LINGO2: variants seen among roughly 807,000 people sequenced by gnomAD.
LINGO2 encodes the protein leucine-rich repeat and immunoglobulin-like domain-containing nogo receptor-interacting protein 2.
LINGO2 carries 14 observed loss-of-function variants against 30.6 expected under a neutral mutation model. The observed-to-expected ratio is 0.46, with a 90% confidence interval of 0.30 to 0.72. LINGO2 has a LOEUF of 0.72. Among genes scored for constraint, LINGO2 ranks in the 30% least tolerant of loss-of-function variants. LINGO2 has a pLI of 0.07. For synonymous variants in LINGO2, 317 were observed against 288.5 expected, an observed-to-expected ratio of 1.10 and a Z score of -1.00; for missense variants, 729 against 751.7, an observed-to-expected ratio of 0.97 and a Z score of 0.35.
intron 2 of LINGO2, among the ~76,000 whole-genome samples, chr9:28,393,770 C>G (rs899069919): frequency 6.6e-6 from 1 of 152,308 alleles, no homozygotes; most frequent in Non-Finnish European, 1.5e-5. Flanking sequence ...AGAGTTTGGT[C>G]TGCCCCAGTA....
the LINGO2 span, among the ~76,000 whole-genome samples, chr9:29,008,430 G>C: frequency 6.6e-6 from 1 of 152,078 alleles, no homozygotes; most frequent in Non-Finnish European, 1.5e-5. Flanking sequence ...ATAATCCTTT[G>C]GGTATATACC....
chr9:28,047,489 C>G (rs1420152721), intron 4 of LINGO2, among the ~76,000 whole-genome samples: 1 of 150,794 alleles, frequency 6.6e-6, no homozygotes, highest in Non-Finnish European at 1.5e-5. Context: ...TTCTTAATTC[C>G]AGTTTAATAA....
chr9:28,295,815 T>G (rs934113475), intron 3 of LINGO2, among the ~76,000 whole-genome samples: 3 of 152,180 alleles, frequency 2.0e-5, no homozygotes, highest in Non-Finnish European at 2.9e-5. Flanking sequence ...CAAGGACAAT[T>G]TCCTTTGTGA....
the LINGO2 span, among the ~76,000 whole-genome samples, chr9:28,808,038 A>G: frequency 2.0e-5 from 3 of 152,354 alleles, no homozygotes; most frequent in African/African-American, 7.2e-5. Context: ...CAATGATTAG[A>G]ATCATCATAA....
the LINGO2 span, among the ~76,000 whole-genome samples, chr9:28,813,915 T>C: frequency 1.6e-4 from 24 of 152,172 alleles, no homozygotes; most frequent in Middle Eastern, 3.4e-3. Context: ...ACCTGAAAGG[T>C]CAGTCTGATT....
At chr9:28,755,219 C>T in the LINGO2 span, among the ~76,000 whole-genome samples, 46 of 152,082 alleles carry the variant, frequency 3.0e-4, 1 homozygote, top group South Asian at 8.5e-3. Flanking sequence ...TTTAAATATG[C>T]TGATTTCTTA....
chr9:28,477,467 T>C (rs1001464558), intron 1 of LINGO2, among the ~76,000 whole-genome samples: 1 of 152,190 alleles, frequency 6.6e-6, no homozygotes, highest in Non-Finnish European at 1.5e-5. Context: ...CTATTACCTT[T>C]CAAACTTGAC....
chr9:29,115,975 G>A, the LINGO2 span, among the ~76,000 whole-genome samples: 2 of 151,976 alleles, frequency 1.3e-5, no homozygotes, highest in South Asian at 2.1e-4. Context: ...AACTAAATGT[G>A]CTAAATTCAT....
intron 4 of LINGO2, among the ~76,000 whole-genome samples, chr9:28,138,835 C>T (rs184329397): frequency 1.3e-4 from 20 of 152,216 alleles, no homozygotes; most frequent in East Asian, 1.2e-3. Flanking sequence ...AGTTCCACAA[C>T]GCAAGACCTT....
chr9:27,941,417 CAG>C, the LINGO2 span: 2 of 152,168 alleles, frequency 1.3e-5, no homozygotes, highest in South Asian at 4.1e-4. Context: ...AGCCTGTTGA[CAG>C]AGTGAGACTC....
chr9:28,891,409 G>T, the LINGO2 span, among the ~76,000 whole-genome samples: 1 of 151,760 alleles, frequency 6.6e-6, no homozygotes, highest in Non-Finnish European at 1.5e-5. Flanking sequence ...AGAACAAATT[G>T]AATGTTATAG....
At chr9:28,309,331 T>A (rs1023958233) in intron 3 of LINGO2, among the ~76,000 whole-genome samples, 2 of 149,378 alleles carry the variant, frequency 1.3e-5, no homozygotes, top group East Asian at 2.0e-4. Context: ...CTATCACAAG[T>A]ACAAAAAACC....
intron 1 of LINGO2, among the ~76,000 whole-genome samples, chr9:28,509,628 C>G (rs929250474): frequency 1.3e-5 from 2 of 152,098 alleles, no homozygotes; most frequent in African/African-American, 4.8e-5. Flanking sequence ...AAAGGTTAAA[C>G]GAGGTCATAA....
intron 4 of LINGO2, among the ~76,000 whole-genome samples, chr9:28,262,438 T>A (rs968270244): frequency 6.6e-6 from 1 of 151,780 alleles, no homozygotes; most frequent in African/African-American, 2.4e-5. Context: ...TATTTTAAAA[T>A]AGAAAGAAAG....
At chr9:29,143,033 T>C in the LINGO2 span, among the ~76,000 whole-genome samples, 1 of 148,230 alleles carries the variant, frequency 6.7e-6, no homozygotes, top group African/African-American at 2.5e-5. Context: ...AAGAAAACAA[T>C]CCCATTCATA....
chr9:28,722,122 G>A, the LINGO2 span, among the ~76,000 whole-genome samples: 3 of 151,998 alleles, frequency 2.0e-5, no homozygotes, highest in Non-Finnish European at 2.9e-5. Flanking sequence ...TGCCTTAATT[G>A]AGATTATGAT....
the LINGO2 span, among the ~76,000 whole-genome samples, chr9:28,856,963 G>A: frequency 0.13 from 19,950 of 151,986 alleles, 1,814 homozygotes; most frequent in African/African-American, 0.26. Context: ...TAAATTTTAG[G>A]CTGCACCTGT....
At chr9:28,353,759 T>C (rs903010840) in intron 3 of LINGO2, among the ~76,000 whole-genome samples, 1 of 151,986 alleles carries the variant, frequency 6.6e-6, no homozygotes, top group African/African-American at 2.4e-5. Context: ...AACCCAAATG[T>C]CCAACAATGA....
chr9:29,135,071 T>A, the LINGO2 span, among the ~76,000 whole-genome samples: 1 of 152,168 alleles, frequency 6.6e-6, no homozygotes, highest in African/African-American at 2.4e-5. Context: ...TATAAGCATA[T>A]TGTTCTATTG....
Sources: gnomAD v4.1 joint callset for allele counts (sites outside exome capture counted in the v4.1 genomes callset) on GRCh38, gnomAD v4.1.1 for gene constraint, MANE v1.5 for transcripts, NCBI Gene and HGNC (gene_info 2026-07-23, HGNC 2026-07-21) for gene names.